The following IPCEF1 variants were observed in gnomAD, a reference collection of about 807,000 sequenced individuals.
The protein encoded by IPCEF1 is interaction protein for cytohesin exchange factors 1.
A neutral mutation model predicts 50.9 loss-of-function variants in IPCEF1; 31 were observed. The observed-to-expected ratio is 0.61, with a 90% CI of 0.46 to 0.82. IPCEF1 has a LOEUF of 0.82. Among genes scored for constraint, IPCEF1 ranks in the 40% least tolerant of loss-of-function variants. IPCEF1 has a pLI of 0.00. For missense variants in IPCEF1, 458 were observed against 514.0 expected (o/e 0.89, Z 1.05); for synonymous variants, 181 against 192.0 (o/e 0.94, Z 0.47).
intron 1 of IPCEF1, among the ~76,000 whole-genome samples, chr6:154,296,807 C>T (rs950741955): frequency 8.5e-5 from 12 of 140,976 alleles, no homozygotes; most frequent in African/African-American, 3.2e-4. Context: ...CCAGCCTGGG[C>T]GACAGAGAGA....
intron 1 of IPCEF1, among the ~76,000 whole-genome samples, chr6:154,349,212 G>A (rs1434879054): frequency 6.8e-6 from 1 of 146,912 alleles, no homozygotes; most frequent in Non-Finnish European, 1.5e-5. Context: ...TTATTATTGA[G>A]ACAGGGTCAC....
chr6:154,323,578 G>T (rs1045588526), intron 1 of IPCEF1, among the ~76,000 whole-genome samples: 1 of 151,826 alleles, frequency 6.6e-6, no homozygotes, highest in Non-Finnish European at 1.5e-5. Context: ...TTTGTCTCAG[G>T]GTCTGCTTCT....
chr6:154,319,915 C>T (rs1783330840), intron 1 of IPCEF1, among the ~76,000 whole-genome samples: 1 of 152,220 alleles, frequency 6.6e-6, no homozygotes, highest in African/African-American at 2.4e-5. Context: ...AATTTTAAAT[C>T]ACAACATAAA....
chr6:154,182,612 A>G (rs535135566), intron 10 of IPCEF1, among the ~76,000 whole-genome samples: 1 of 152,224 alleles, frequency 6.6e-6, no homozygotes, highest in Non-Finnish European at 1.5e-5. Flanking sequence ...TGTACATACA[A>G]AAAAGATATT....
intron 9 of IPCEF1, among the ~76,000 whole-genome samples, chr6:154,206,156 C>A (rs1186877938): frequency 6.6e-6 from 1 of 152,116 alleles, no homozygotes; most frequent in African/African-American, 2.4e-5. Context: ...TCAAGAGGGG[C>A]AAGTGATATC....
intron 1 of IPCEF1, among the ~76,000 whole-genome samples, chr6:154,350,481 C>T (rs1784101737): frequency 6.6e-6 from 1 of 152,172 alleles, no homozygotes; most frequent in Admixed American, 6.5e-5. Flanking sequence ...GATGAAGTGA[C>T]TCTACTGTTT....
chr6:154,338,912 C>T lies in IPCEF1; in HGVS notation c.-62+17760G>A, dbSNP rs117819547. Among the ~76,000 whole-genome samples, 1,476 of 152,036 alleles carry T rather than the reference C, an allele frequency of 9.7e-3. 8 individuals are homozygous for T. The highest frequency in any genetic ancestry group is 0.017 in the Middle Eastern group (5 of 294). ...AAGACTGCAACACTGCACTCCAGCC[C>T]GAGTGACACAGCAAAACCCTGCCTC... is the stretch of plus-strand genomic sequence containing the variant. On this transcript the variant is annotated intron_variant, in intron 1 of 11. Transcript: ENST00000367220.
chr6:154,269,356 A>G (rs1028551381), intron 2 of IPCEF1, among the ~76,000 whole-genome samples: 4 of 152,168 alleles, frequency 2.6e-5, no homozygotes, highest in African/African-American at 9.7e-5. Flanking sequence ...ATACGCAGTC[A>G]CTGGCATGGG....
At chr6:154,342,015 T>C (rs367847535) in intron 1 of IPCEF1, among the ~76,000 whole-genome samples, 1 of 152,096 alleles carries the variant, frequency 6.6e-6, no homozygotes, top group Non-Finnish European at 1.5e-5. Flanking sequence ...TCATGCAACA[T>C]CCTTTTCCAA....
At chr6:154,308,806 T>C (rs1311267376) in intron 1 of IPCEF1, among the ~76,000 whole-genome samples, 1 of 152,220 alleles carries the variant, frequency 6.6e-6, no homozygotes, top group Non-Finnish European at 1.5e-5. Context: ...ATTTCTAGAT[T>C]CTTCATAAAA....
At chr6:154,171,382 G>A (rs990612342) in intron 10 of IPCEF1, among the ~76,000 whole-genome samples, 14 of 152,090 alleles carry the variant, frequency 9.2e-5, no homozygotes, top group African/African-American at 3.4e-4. Context: ...ACCACATATT[G>A]CGTGATTCCA....
At chr6:154,167,888 T>TA (rs1468022193) in intron 11 of IPCEF1, 32 bp downstream of exon 11, 1 of 1,513,206 alleles carries the variant, frequency 6.6e-7, no homozygotes, top group Non-Finnish European at 9.1e-7. Flanking sequence ...CCCACATCCA[T>TA]AGAGTTCATC....
At chr6:154,317,548 CAAAAAAAAAA>C (rs71021041) in intron 1 of IPCEF1, among the ~76,000 whole-genome samples, 5 of 16,302 alleles carry the variant, frequency 3.1e-4, no homozygotes, top group Non-Finnish European at 4.8e-4. Flanking sequence ...GACTCCATCT[CAAAAAAAAAA>C]AAAAAAAAAA....
At chr6:154,231,367 T>G (rs1020604460) in intron 5 of IPCEF1, among the ~76,000 whole-genome samples, 1 of 152,240 alleles carries the variant, frequency 6.6e-6, no homozygotes, top group Non-Finnish European at 1.5e-5. Flanking sequence ...AAAATGCACT[T>G]GCCCATTGAC....
intron 1 of IPCEF1, among the ~76,000 whole-genome samples, chr6:154,298,789 C>G (rs1782724835): frequency 6.6e-6 from 1 of 152,056 alleles, no homozygotes; most frequent in African/African-American, 2.4e-5. Context: ...CGTGGTGAAA[C>G]CCCGTCTCTA....
chr6:154,321,277 T>A (rs980174371), intron 1 of IPCEF1, among the ~76,000 whole-genome samples: 30 of 152,252 alleles, frequency 2.0e-4, no homozygotes, highest in African/African-American at 7.0e-4. Flanking sequence ...AATATTACCT[T>A]TGAATAGTAA....
At chr6:154,163,119 C>T (rs1799156856) in intron 11 of IPCEF1, among the ~76,000 whole-genome samples, 3 of 152,162 alleles carry the variant, frequency 2.0e-5, no homozygotes, top group African/African-American at 7.2e-5. Flanking sequence ...CAGAACCTTC[C>T]AGAGGGTCAC....
intron 3 of IPCEF1, among the ~76,000 whole-genome samples, chr6:154,254,917 T>C (rs1331473081): frequency 6.6e-6 from 1 of 152,228 alleles, no homozygotes; most frequent in Non-Finnish European, 1.5e-5. Context: ...CCCTTTTTTC[T>C]TTCTCACATG....
chr6:154,260,619 C>T (rs767251463), intron 3 of IPCEF1, among the ~76,000 whole-genome samples: 1 of 151,988 alleles, frequency 6.6e-6, no homozygotes, highest in African/African-American at 2.4e-5. Flanking sequence ...ATTACAGGCA[C>T]ACGCCACCAC....
Sources: gnomAD v4.1 joint callset for allele counts (sites outside exome capture counted in the v4.1 genomes callset) on GRCh38, gnomAD v4.1.1 for gene constraint, MANE v1.5 for transcripts, NCBI Gene and HGNC (gene_info 2026-07-23, HGNC 2026-07-21) for gene names.